Variants in RALYL observed in about 807,000 individuals in gnomAD.
RALYL encodes RALY RNA binding protein like, also known as RNA-binding Raly-like protein.
A neutral mutation model predicts 35.1 loss-of-function variants in RALYL; 29 were observed. That is an observed-to-expected ratio of 0.83 (90% CI 0.61 to 1.13). RALYL has a LOEUF of 1.13. Ranked by LOEUF, RALYL falls within the 50% of genes most tolerant of loss-of-function variation. The probability of loss-of-function intolerance (pLI) is 0.00; values close to 1 mark genes in which losing one functional copy is unlikely to be tolerated. For synonymous variants in RALYL, 120 were observed against 127.6 expected (o/e 0.94, Z 0.40); for missense variants, 359 against 360.4 (o/e 1.00, Z 0.03).
At chr8:84,468,110 G>T (rs1374060729) in intron 1 of RALYL, among the ~76,000 whole-genome samples, 3 of 151,688 alleles carry the variant, frequency 2.0e-5, no homozygotes, top group Non-Finnish European at 4.4e-5. Flanking sequence ...TTGCCAGTCT[G>T]TGTCTTTTAA....
At position 84,436,016 on chromosome 8, in the gene RALYL, G is replaced by A. The variant is rs1321666462; in HGVS notation, c.-23-93283G>A. Among the ~76,000 whole-genome samples, 3 of 152,112 alleles carry A rather than the reference G, an allele frequency of 2.0e-5. No homozygotes were observed. The East Asian group carries it at 5.8e-4, about 29-fold the overall frequency. On this transcript the variant is annotated intron_variant, in intron 1 of 8. Coordinates refer to ENST00000521268, the MANE Select transcript of RALYL (RefSeq NM_173848.7). ...AGTGTATACTGCTCAGGTGATGGGTGCACCAAAATCTCAGAAGTCACCTCT... is the reference window on the plus strand; with the variant it reads ...AGTGTATACTGCTCAGGTGATGGGTACACCAAAATCTCAGAAGTCACCTCT...
intron 4 of RALYL, among the ~76,000 whole-genome samples, chr8:84,824,774 A>G (rs528246185): frequency 1.3e-5 from 2 of 152,298 alleles, no homozygotes; most frequent in East Asian, 3.9e-4. Flanking sequence ...TGGACTTCCT[A>G]TTCAATAAAT....
At chr8:84,567,605 G>A (rs2061874961) in intron 2 of RALYL, among the ~76,000 whole-genome samples, 1 of 150,986 alleles carries the variant, frequency 6.6e-6, no homozygotes, top group South Asian at 2.1e-4. Context: ...ATCAACCATT[G>A]ATGAGCACTT....
At position 84,913,115 on chromosome 8, in the gene RALYL, A is replaced by G. The variant is rs111374097; in HGVS notation, c.859-7779A>G. Among the ~76,000 whole-genome samples, 96 of 150,098 alleles carry G rather than the reference A, an allele frequency of 6.4e-4. 1 individual carries two copies. Among genetic ancestry groups the G allele is most frequent in the African/African-American group, 2.3e-3 (93 of 41,116 alleles). ...ACACATATACACTAAGTAACACCAC[A>G]CCTTGTTTGCTCAGCAAGTAATGCC... On this transcript the variant is annotated intron_variant, in intron 8 of 8. Coordinates refer to ENST00000521268, the MANE Select transcript of RALYL (RefSeq NM_173848.7).
chr8:84,389,751 A>G (rs529921549), intron 1 of RALYL, among the ~76,000 whole-genome samples: 39 of 149,390 alleles, frequency 2.6e-4, no homozygotes, highest in African/African-American at 9.3e-4. Flanking sequence ...GGGCTGAGAC[A>G]ATGGGGTTTT....
chr8:84,743,848 C>A (rs1301130536), intron 2 of RALYL, among the ~76,000 whole-genome samples: 1 of 152,010 alleles, frequency 6.6e-6, no homozygotes, highest in Non-Finnish European at 1.5e-5. Context: ...AAGAAGGATA[C>A]ACATTTTATG....
intron 2 of RALYL, among the ~76,000 whole-genome samples, chr8:84,578,538 G>A (rs1564178609): frequency 6.6e-6 from 1 of 152,218 alleles, no homozygotes; most frequent in Non-Finnish European, 1.5e-5. Flanking sequence ...AAGGTGGAGA[G>A]GAGCTTTATT....
chr8:84,344,390 T>C (rs1002628217), intron 1 of RALYL, among the ~76,000 whole-genome samples: 3 of 152,196 alleles, frequency 2.0e-5, no homozygotes, highest in Non-Finnish European at 1.5e-5. Flanking sequence ...CATACCTACA[T>C]ACTTTCAGGA....
chr8:84,658,987 C>T (rs1367044786), intron 2 of RALYL, among the ~76,000 whole-genome samples: 1 of 152,108 alleles, frequency 6.6e-6, no homozygotes, highest in Non-Finnish European at 1.5e-5. Flanking sequence ...GCTAAGTTGA[C>T]TCTGACTTGT....
chr8:84,521,647 G>A (rs1236609099), intron 1 of RALYL, among the ~76,000 whole-genome samples: 1 of 152,132 alleles, frequency 6.6e-6, no homozygotes, highest in East Asian at 1.9e-4. Context: ...TTTACAAAAT[G>A]TCAGTCATTT....
upstream of RALYL, chr8:84,183,011 A>G (rs1167655455): frequency 6.5e-6 from 1 of 152,820 alleles, no homozygotes; most frequent in Non-Finnish European, 1.5e-5. Flanking sequence ...CTTTGAGGTG[A>G]GCAGCAAGTT....
chr8:84,536,178 G>C (rs1240521260), intron 2 of RALYL, among the ~76,000 whole-genome samples: 1 of 152,104 alleles, frequency 6.6e-6, no homozygotes, highest in African/African-American at 2.4e-5. Flanking sequence ...TTAGAGGTGT[G>C]ATTTTTCTCC....
chr8:84,502,361 G>A (rs889254666), intron 1 of RALYL, among the ~76,000 whole-genome samples: 5 of 151,980 alleles, frequency 3.3e-5, no homozygotes, highest in African/African-American at 1.2e-4. Flanking sequence ...GTCTCACTCT[G>A]CATGAAGAAG....
intron 2 of RALYL, among the ~76,000 whole-genome samples, chr8:84,561,490 C>T (rs189190822): frequency 6.0e-5 from 9 of 151,204 alleles, no homozygotes; most frequent in Middle Eastern, 3.4e-3. Flanking sequence ...AGTCCTGAGC[C>T]GTATGCATAC....
intron 1 of RALYL, among the ~76,000 whole-genome samples, chr8:84,503,355 A>G (rs2134258258): frequency 6.8e-6 from 1 of 148,090 alleles, no homozygotes; most frequent in Non-Finnish European, 1.5e-5. Context: ...ACAGGGTATC[A>G]CTATGTTGCC....
At chr8:84,557,709 A>G (rs2061224253) in intron 2 of RALYL, among the ~76,000 whole-genome samples, 1 of 152,150 alleles carries the variant, frequency 6.6e-6, no homozygotes, top group Non-Finnish European at 1.5e-5. Flanking sequence ...TATTTATTCT[A>G]GAGTATTTAG....
chr8:84,350,491 C>G (rs1850685318), intron 1 of RALYL, among the ~76,000 whole-genome samples: 1 of 150,202 alleles, frequency 6.7e-6, no homozygotes, highest in Non-Finnish European at 1.5e-5. Context: ...CGAGACAGTA[C>G]TACACTGGTC....
chr8:84,445,664 ATTAT>A (rs1355350688), intron 1 of RALYL, among the ~76,000 whole-genome samples: 5 of 151,664 alleles, frequency 3.3e-5, no homozygotes, highest in Non-Finnish European at 7.4e-5. Flanking sequence ...AATGAATTAT[ATTAT>A]AACATATATA....
intron 2 of RALYL, among the ~76,000 whole-genome samples, chr8:84,771,882 G>A (rs992971320): frequency 1.3e-5 from 2 of 151,912 alleles, no homozygotes; most frequent in African/African-American, 4.8e-5. Flanking sequence ...TATCAATTTT[G>A]TATTTTAAGG....
Sources: gnomAD v4.1 joint callset for allele counts (sites outside exome capture counted in the v4.1 genomes callset) on GRCh38, gnomAD v4.1.1 for gene constraint, MANE v1.5 for transcripts, NCBI Gene and HGNC (gene_info 2026-07-23, HGNC 2026-07-21) for gene names.